Variants in GABRR2 observed in about 807,000 individuals in gnomAD.
GABRR2 encodes gamma-aminobutyric acid type A receptor subunit rho2.
A neutral mutation model predicts 47.0 loss-of-function variants in GABRR2; 36 were observed. The observed-to-expected ratio is 0.77, with a 90% CI of 0.59 to 1.01. GABRR2 has a LOEUF of 1.01. Among genes scored for constraint, GABRR2 ranks in the 50% least tolerant of loss-of-function variants. The probability of loss-of-function intolerance (pLI) is 0.00; values close to 1 mark genes in which losing one functional copy is unlikely to be tolerated. For missense variants in GABRR2, 587 were observed against 594.6 expected, an observed-to-expected ratio of 0.99 and a Z score of 0.13; for synonymous variants, 204 against 227.5, an observed-to-expected ratio of 0.90 and a Z score of 0.93.
chr6:89,306,963 A>G (rs1288338202), intron 1 of GABRR2, among the ~76,000 whole-genome samples: 3 of 152,212 alleles, frequency 2.0e-5, no homozygotes, highest in Non-Finnish European at 1.5e-5. Context: ...TACTTTGTGT[A>G]CATGTCTCAC....
At chr6:89,260,797 T>A (rs529394521) in intron 8 of GABRR2, among the ~76,000 whole-genome samples, 67 of 152,272 alleles carry the variant, frequency 4.4e-4, no homozygotes, top group African/African-American at 1.6e-3. Flanking sequence ...ACTCAGGAGG[T>A]GATTCCAGGG....
In GABRR2 at chr6:89,292,804, CGTATATACG is replaced by C. The variant is rs1562379872; in HGVS notation, c.220+6946_220+6954del. 3.6e-3 allele frequency among the ~76,000 whole-genome samples: 59 copies of C among 16,290 alleles called. 6 individuals are homozygous for C. The Middle Eastern group carries it at 0.12, about 35-fold the overall frequency. 10.7% of individuals were successfully genotyped at this position (16,290 alleles called of 152,430 possible). A position where few individuals can be genotyped will look rare whatever the true frequency, so the allele number is the denominator to read the frequency against. Reference sequence around the variant, plus strand: ...CGTATATACGATATATCGTATATATCGTATATACGATATATCGTATATATCGTATATACG... The same window carrying C: ...CGTATATACGATATATCGTATATATCATATATCGTATATATCGTATATACG... On this transcript the variant is annotated intron_variant, in intron 2 of 8. Transcript: ENST00000402938.
intron 1 of GABRR2, among the ~76,000 whole-genome samples, chr6:89,314,369 C>T (rs960090857): frequency 2.6e-5 from 4 of 152,110 alleles, no homozygotes; most frequent in Admixed American, 6.5e-5. Context: ...TATGATGCTT[C>T]GTATGTCAAT....
At chr6:89,277,037 C>T (rs966156880) in intron 2 of GABRR2, among the ~76,000 whole-genome samples, 2 of 152,176 alleles carry the variant, frequency 1.3e-5, no homozygotes, top group African/African-American at 4.8e-5. Context: ...CACTATTTGA[C>T]ATGATTAGGC....
intron 8 of GABRR2, among the ~76,000 whole-genome samples, chr6:89,263,882 A>C (rs1226735534): frequency 6.6e-6 from 1 of 152,144 alleles, no homozygotes; most frequent in Admixed American, 6.5e-5. Context: ...TTTTTTAAAG[A>C]AATATATATA....
chr6:89,276,742 G>A (rs922399450), intron 2 of GABRR2, among the ~76,000 whole-genome samples: 101 of 152,232 alleles, frequency 6.6e-4, no homozygotes, highest in African/African-American at 2.3e-3. Context: ...TTTAAAAATC[G>A]TAGATAAACT....
At chr6:89,261,260 A>ATGTACAAATTAC (rs1320557295) in intron 8 of GABRR2, among the ~76,000 whole-genome samples, 1 of 152,236 alleles carries the variant, frequency 6.6e-6, no homozygotes, top group Admixed American at 6.5e-5. Flanking sequence ...TCCTGTGATA[A>ATGTACAAATTAC]TGGTCAGTGT....
At chr6:89,258,542 A>C (rs1248101715) in intron 8 of GABRR2, among the ~76,000 whole-genome samples, 88 of 74,608 alleles carry the variant, frequency 1.2e-3, no homozygotes, top group Admixed American at 3.7e-3. Context: ...TCCTTCTCTA[A>C]AAAAAAAAAA....
chr6:89,312,611 G>A (rs969550749), intron 1 of GABRR2, among the ~76,000 whole-genome samples: 1 of 152,200 alleles, frequency 6.6e-6, no homozygotes, highest in Admixed American at 6.5e-5. Context: ...ATCAGAAGGG[G>A]TCTGGTCATT....
intron 8 of GABRR2, among the ~76,000 whole-genome samples, chr6:89,259,905 TTTG>T (rs1773707583): frequency 6.6e-6 from 1 of 150,772 alleles, no homozygotes; most frequent in South Asian, 2.1e-4. Context: ...TTTTGTTTTT[TTTG>T]TTTTTTTTGT....
Position 89,295,605 on chromosome 6 carries a change from T to C in GABRR2, c.220+4154A>G, listed in dbSNP as rs576687709. ...CTGTTCACTCTGATGGTAGTTTCTTTCGCTGTGCAGAAGCTCTTTAGTTTA... is the reference window on the plus strand; with the variant it reads ...CTGTTCACTCTGATGGTAGTTTCTTCCGCTGTGCAGAAGCTCTTTAGTTTA... On this transcript the variant is annotated intron_variant, in intron 2 of 8. Transcript: ENST00000402938. 2.6e-4 allele frequency among the ~76,000 whole-genome samples: 40 copies of C among 152,334 alleles called. No homozygotes were observed. The East Asian group carries it at 5.2e-3, about 20-fold the overall frequency.
At chr6:89,273,145 A>G (rs140108517) in intron 2 of GABRR2, among the ~76,000 whole-genome samples, 70 of 152,332 alleles carry the variant, frequency 4.6e-4, no homozygotes, top group African/African-American at 1.7e-3. Flanking sequence ...CAGATAAATC[A>G]GGGTATAAGT....
rs1452229099 is a variant in GABRR2 at position 89,255,123 on chromosome 6, C to A, written c.*2547G>T. Among the ~76,000 whole-genome samples, 1 of 152,104 alleles carries A rather than the reference C, an allele frequency of 6.6e-6. No individual in the cohort carries two copies. Among genetic ancestry groups the A allele is most frequent in the Non-Finnish European group, 1.5e-5 (1 of 68,022 alleles). ...TATCATTCTTCGAGCAGCACTGTGG[C>A]CTGGGAGAGTCTCTATAGATAAAAG... On this transcript the variant is annotated 3_prime_UTR_variant, in exon 9 of 9. Coordinates refer to ENST00000402938, the MANE Select transcript of GABRR2 (RefSeq NM_002043.5).
chr6:89,292,375 TATATCAGATATATATCGTATCTCTG>T (rs1774460811), intron 2 of GABRR2, among the ~76,000 whole-genome samples: 12 of 54,912 alleles, frequency 2.2e-4, no homozygotes, highest in Non-Finnish European at 3.3e-4. Context: ...TATATATATA[TATATCAGATATATATCGTATCTCTG>T]ATATATATAT....
chr6:89,287,137 G>T (rs1216509403), intron 2 of GABRR2, among the ~76,000 whole-genome samples: 1 of 152,186 alleles, frequency 6.6e-6, no homozygotes, highest in Admixed American at 6.5e-5. Context: ...GGCAACCGGG[G>T]CCCTGCTGAC....
In GABRR2 at chr6:89,303,663, A is replaced by C. The variant is rs1249461565; in HGVS notation, c.114-3798T>G. ...CTTAAGGAGGAAAAAAAAAAAAAAA[A>C]AAAAAACCCAAAGCTGGAGACATCA... is the stretch of plus-strand genomic sequence containing the variant. On this transcript the variant is annotated intron_variant, in intron 1 of 8. Transcript: ENST00000402938. Among the ~76,000 whole-genome samples, 662 of 151,258 alleles carry C rather than the reference A, an allele frequency of 4.4e-3. 9 individuals are homozygous for C. Among genetic ancestry groups the C allele is most frequent in the African/African-American group, 0.014 (579 of 41,370 alleles).
chr6:89,312,141 T>C (rs1330490192), intron 1 of GABRR2, among the ~76,000 whole-genome samples: 1 of 152,112 alleles, frequency 6.6e-6, no homozygotes, highest in Non-Finnish European at 1.5e-5. Flanking sequence ...GAGTCAGCTC[T>C]CAAGGGAGAA....
At chr6:89,279,948 G>A (rs1266056604) in intron 2 of GABRR2, among the ~76,000 whole-genome samples, 1 of 151,952 alleles carries the variant, frequency 6.6e-6, no homozygotes, top group Non-Finnish European at 1.5e-5. Context: ...GGTGGCTCAC[G>A]CCTGTAATCC....
intron 6 of GABRR2, among the ~76,000 whole-genome samples, chr6:89,267,331 C>T (rs1229634064): frequency 2.0e-5 from 3 of 151,694 alleles, no homozygotes; most frequent in Non-Finnish European, 2.9e-5. Context: ...TTTGGGAGGC[C>T]GAGGTAGGAG....
Sources: allele counts gnomAD v4.1 joint callset (sites outside exome capture counted in the v4.1 genomes callset), GRCh38; gene constraint gnomAD v4.1.1; transcripts MANE v1.5; gene names NCBI Gene and HGNC (gene_info 2026-07-23, HGNC 2026-07-21).